The following LINGO2 variants were observed in gnomAD, a reference collection of about 807,000 sequenced individuals.
LINGO2 encodes the protein leucine rich repeat and Ig domain containing 2, also known as leucine-rich repeat and immunoglobulin-like domain-containing nogo receptor-interacting protein 2.
Under a neutral mutation model 30.6 loss-of-function variants are expected in LINGO2, and 14 were observed. The ratio of observed to expected loss-of-function variants is 0.46; its 90% CI spans 0.30 to 0.72. The LOEUF is 0.72. Among genes scored for constraint, LINGO2 ranks in the 30% least tolerant of loss-of-function variants. The pLI is 0.07. For missense variants in LINGO2, 729 were observed against 751.7 expected (o/e 0.97, Z 0.35); for synonymous variants, 317 against 288.5 (o/e 1.10, Z -1.00).
intron 5 of LINGO2, among the ~76,000 whole-genome samples, chr9:28,003,342 T>TATATAG (rs763522694): frequency 1.4e-5 from 2 of 141,642 alleles, no homozygotes; most frequent in Non-Finnish European, 3.0e-5. Context: ...TATATAGATA[T>TATATAG]ATAGATAGAT....
the LINGO2 span, among the ~76,000 whole-genome samples, chr9:28,676,047 A>C: frequency 6.6e-6 from 1 of 150,756 alleles, no homozygotes; most frequent in Non-Finnish European, 1.5e-5. Context: ...TATTCCTAAC[A>C]AAATGACATA....
the LINGO2 span, among the ~76,000 whole-genome samples, chr9:28,824,589 G>A: frequency 1.3e-5 from 2 of 152,142 alleles, no homozygotes; most frequent in Non-Finnish European, 2.9e-5. Flanking sequence ...GGAGTAATAT[G>A]CAGAAAAAGG....
intron 2 of LINGO2, among the ~76,000 whole-genome samples, chr9:28,468,489 G>A (rs537963449): frequency 6.6e-6 from 1 of 152,248 alleles, no homozygotes; most frequent in East Asian, 1.9e-4. Flanking sequence ...CACAGAAACT[G>A]AAGGTAAGAG....
intron 4 of LINGO2, among the ~76,000 whole-genome samples, chr9:28,020,033 C>T (rs936515155): frequency 2.6e-5 from 4 of 152,132 alleles, no homozygotes; most frequent in Middle Eastern, 3.2e-3. Context: ...ATGTGTTGTA[C>T]AAGTGCCCCC....
chr9:28,908,353 A>G, the LINGO2 span, among the ~76,000 whole-genome samples: 77,512 of 151,636 alleles, frequency 0.51, 21,082 homozygotes, highest in Non-Finnish European at 0.6. Context: ...TGTAGTGGAA[A>G]TAAGTTGCTG....
At chr9:28,293,446 T>C (rs990403770) in intron 4 of LINGO2, among the ~76,000 whole-genome samples, 1 of 152,206 alleles carries the variant, frequency 6.6e-6, no homozygotes, top group Non-Finnish European at 1.5e-5. Context: ...TTCCCTTTGA[T>C]ATACACAATC....
chr9:28,209,809 C>T (rs1820529123), intron 4 of LINGO2, among the ~76,000 whole-genome samples: 1 of 151,574 alleles, frequency 6.6e-6, no homozygotes, highest in South Asian at 2.1e-4. Flanking sequence ...GGACATATTT[C>T]AGTAAATGAA....
At chr9:28,982,693 G>C in the LINGO2 span, among the ~76,000 whole-genome samples, 1 of 151,766 alleles carries the variant, frequency 6.6e-6, no homozygotes, top group East Asian at 1.9e-4. Context: ...CCAAAATATA[G>C]GGAAATTTTA....
At chr9:28,778,847 C>CA in the LINGO2 span, among the ~76,000 whole-genome samples, 2 of 151,886 alleles carry the variant, frequency 1.3e-5, no homozygotes, top group South Asian at 2.1e-4. Context: ...ATTGAAAACA[C>CA]AAAAAAAGTT....
the LINGO2 span, among the ~76,000 whole-genome samples, chr9:28,691,450 A>G: frequency 1.3e-5 from 2 of 152,144 alleles, no homozygotes; most frequent in Admixed American, 6.6e-5. Flanking sequence ...CCCTTACTGT[A>G]TTGGATCAAA....
At chr9:28,207,538 C>G (rs1564043763) in intron 4 of LINGO2, among the ~76,000 whole-genome samples, 1 of 152,054 alleles carries the variant, frequency 6.6e-6, no homozygotes, top group African/African-American at 2.4e-5. Context: ...AAATTCCTCA[C>G]AGAGAGTAAA....
intron 4 of LINGO2, among the ~76,000 whole-genome samples, chr9:28,126,836 CAGA>C (rs747977879): frequency 1.4e-4 from 21 of 152,260 alleles, no homozygotes; most frequent in South Asian, 4.1e-4. Context: ...CAGCAGTGAG[CAGA>C]AGGATATTAT....
At chr9:27,987,942 T>C (rs1821203720) in intron 5 of LINGO2, among the ~76,000 whole-genome samples, 1 of 152,098 alleles carries the variant, frequency 6.6e-6, no homozygotes, top group Non-Finnish European at 1.5e-5. Context: ...CATGTTGGCG[T>C]GCTGCATCCA....
the LINGO2 span, among the ~76,000 whole-genome samples, chr9:28,815,779 T>C: frequency 6.6e-6 from 1 of 152,178 alleles, no homozygotes; most frequent in Non-Finnish European, 1.5e-5. Context: ...AAGTGATTAA[T>C]CGCATGTTAT....
rs1825362938 is a variant in LINGO2, at chr9:28,329,969, T to C, written c.-245-34603A>G. Among the ~76,000 whole-genome samples, 1 of 152,198 alleles carries C rather than the reference T, an allele frequency of 6.6e-6. No individual in the cohort carries two copies. Among genetic ancestry groups the C allele is most frequent in the South Asian group, 2.1e-4 (1 of 4,832 alleles). The stretch of plus-strand genomic sequence containing the variant: ...ACACTTTATTTTTTGAGCTTGCTAT[T>C]TACTGAATTCTGCGCCCCTAGTGTT... On this transcript the variant is annotated intron_variant, in intron 3 of 5. Transcript: ENST00000379992. The surrounding 1 kb of genome is among the most constrained non-coding windows in gnomAD (Gnocchi z 4.5).
chr9:28,158,378 A>G (rs1237242389), intron 4 of LINGO2, among the ~76,000 whole-genome samples: 3 of 152,198 alleles, frequency 2.0e-5, no homozygotes, highest in Non-Finnish European at 4.4e-5. Context: ...CAGCCAAACC[A>G]TATCAAGTGC....
intron 1 of LINGO2, among the ~76,000 whole-genome samples, chr9:28,515,474 G>A (rs973311678): frequency 2.6e-5 from 4 of 152,238 alleles, no homozygotes; most frequent in Non-Finnish European, 5.9e-5. Context: ...CCAAAGTGCC[G>A]GGATTACAGG....
intron 3 of LINGO2, among the ~76,000 whole-genome samples, chr9:28,353,137 C>A (rs1286504739): frequency 0.022 from 3,124 of 142,910 alleles, 10 homozygotes; most frequent in East Asian, 0.057. Flanking sequence ...GCAACAAAAG[C>A]CAAAATTGAC....
the LINGO2 span, among the ~76,000 whole-genome samples, chr9:28,987,928 A>G: frequency 6.6e-6 from 1 of 152,114 alleles, no homozygotes; most frequent in Non-Finnish European, 1.5e-5. Context: ...TAAACTTTCT[A>G]AGGCTTTATT....
Sources: allele counts gnomAD v4.1 joint callset (sites outside exome capture counted in the v4.1 genomes callset), GRCh38; gene constraint gnomAD v4.1.1; non-coding constraint Gnocchi (gnomAD v3.1); transcripts MANE v1.5; gene names NCBI Gene and HGNC (gene_info 2026-07-23, HGNC 2026-07-21).